Variants in TSPAN8 observed in about 807,000 individuals in gnomAD.
The protein encoded by TSPAN8 is tetraspanin-8.
In TSPAN8, 21 loss-of-function variants were observed where a neutral mutation model predicts 32.8. That is an observed-to-expected ratio of 0.64 (90% CI 0.45 to 0.92). The LOEUF is 0.92. Ranked by LOEUF, TSPAN8 falls within the 40% of genes least tolerant of loss-of-function variation. The pLI is 0.00. For synonymous variants in TSPAN8, 95 were observed against 94.6 expected (o/e 1.00, Z -0.03); for missense variants, 269 against 281.9 (o/e 0.95, Z 0.33).
intron 3 of TSPAN8, among the ~76,000 whole-genome samples, chr12:71,142,844 A>C (rs960359870): frequency 4.4e-4 from 34 of 77,746 alleles, no homozygotes; most frequent in African/African-American, 1.5e-3. Flanking sequence ...GAGAGGAAAA[A>C]AACAAAAAAA....
Position 71,142,776 on chromosome 12 carries a change from T to C in TSPAN8, c.123+1375A>G, listed in dbSNP as rs1341503510. ...AAGCCGCTAATTGCCACTGTGATCC[T>C]CTGGGCTCCCTAAGGGCAGAAAGCA... On this transcript the variant is annotated intron_variant, in intron 3 of 8. Coordinates refer to ENST00000247829, the MANE Select transcript of TSPAN8 (RefSeq NM_004616.3). 2.0e-4 allele frequency among the ~76,000 whole-genome samples: 30 copies of C among 150,586 alleles called. No individual in the cohort carries two copies. In the Admixed American group the frequency reaches 2.0e-3, roughly 10 times the overall value.
At chr12:71,135,968 C>T (rs564879709) in intron 6 of TSPAN8, among the ~76,000 whole-genome samples, 1 of 152,160 alleles carries the variant, frequency 6.6e-6, no homozygotes, top group South Asian at 2.1e-4. Context: ...AGGAAAAGCA[C>T]ATCAGAAAGG....
chr12:71,143,173 C>A (rs1482361425), intron 3 of TSPAN8, among the ~76,000 whole-genome samples: 1 of 152,044 alleles, frequency 6.6e-6, no homozygotes, highest in Non-Finnish European at 1.5e-5. Flanking sequence ...GCCCAGAAAA[C>A]AAAGAACAAA....
chr12:71,132,882 A>G, intron 6 of TSPAN8, 58 bp from the exon 7 acceptor site: 1 of 1,577,984 alleles, frequency 6.3e-7, no homozygotes, highest in South Asian at 1.1e-5. Flanking sequence ...AACATTGGCA[A>G]TACATTAAAT....
At position 71,139,628 on chromosome 12, in the gene TSPAN8, C is replaced by T. The variant is rs115307079; in HGVS notation, c.261+83G>A. 1,978 of 1,496,594 alleles carry T rather than the reference C, an allele frequency of 1.3e-3. 21 individuals are homozygous for T. The African/African-American group carries it at 0.022, about 16-fold the overall frequency. The allele number at this position is 1,496,594 out of a possible 1,614,324, so 92.7% of individuals were successfully genotyped here. On this transcript the variant is annotated intron_variant, in intron 4 of 8. Transcript: ENST00000247829. ...AGTTAGAGTTTCATCAATCATGGCA[C>T]GTTCTTTTAACAGACAATAGGGATG...
intron 4 of TSPAN8, chr12:71,139,241 T>C (rs908969111): frequency 5.7e-5 from 26 of 457,862 alleles, no homozygotes; most frequent in African/African-American, 4.6e-4. Flanking sequence ...ACACCAGCAC[T>C]GTACTGCCAC....
chr12:71,147,971 G>C (rs1161673567), intron 2 of TSPAN8, among the ~76,000 whole-genome samples: 1 of 152,114 alleles, frequency 6.6e-6, no homozygotes, highest in Non-Finnish European at 1.5e-5. Context: ...ATCTCTAACA[G>C]TGTTCCCTCC....
chr12:71,143,548 A>G (rs1592406840), intron 3 of TSPAN8, among the ~76,000 whole-genome samples: 1 of 152,156 alleles, frequency 6.6e-6, no homozygotes, highest in East Asian at 1.9e-4. Flanking sequence ...ACATATAGCA[A>G]TAATCTGGAC....
At chr12:71,142,634 G>T (rs1871936661) in intron 3 of TSPAN8, among the ~76,000 whole-genome samples, 1 of 152,200 alleles carries the variant, frequency 6.6e-6, no homozygotes, top group East Asian at 1.9e-4. Flanking sequence ...GGAAGTCACA[G>T]TTATGGTTAT....
At chr12:71,127,522 C>T (rs1228482614) in intron 8 of TSPAN8, among the ~76,000 whole-genome samples, 3 of 152,080 alleles carry the variant, frequency 2.0e-5, no homozygotes, top group Non-Finnish European at 2.9e-5. Context: ...AATTCAAAAA[C>T]GGTTCTGTTT....
chr12:71,128,777 C>T (rs1479961820), intron 8 of TSPAN8, among the ~76,000 whole-genome samples: 1 of 151,872 alleles, frequency 6.6e-6, no homozygotes, highest in Non-Finnish European at 1.5e-5. Flanking sequence ...GAAAATTTCT[C>T]CAAGTGAGTC....
At chr12:71,142,847 C>CAAAAA (rs370834723) in intron 3 of TSPAN8, among the ~76,000 whole-genome samples, 1 of 131,628 alleles carries the variant, frequency 7.6e-6, no homozygotes, top group Non-Finnish European at 1.6e-5. Context: ...AGGAAAAAAA[C>CAAAAA]AAAAAAAAAA....
At chr12:71,142,852 A>AC (rs1555195666) in intron 3 of TSPAN8, among the ~76,000 whole-genome samples, 8 of 150,466 alleles carry the variant, frequency 5.3e-5, no homozygotes, top group Admixed American at 1.3e-4. Context: ...AAAAACAAAA[A>AC]AAAAAAAAAC....
intron 3 of TSPAN8, among the ~76,000 whole-genome samples, chr12:71,142,185 G>T (rs1871922686): frequency 6.6e-6 from 1 of 152,134 alleles, no homozygotes; most frequent in South Asian, 2.1e-4. Context: ...AGTCAAGCTG[G>T]TTAATGTTGT....
chr12:71,125,615 T>G (rs1871326873), intron 8 of TSPAN8, among the ~76,000 whole-genome samples: 1 of 152,124 alleles, frequency 6.6e-6, no homozygotes, highest in African/African-American at 2.4e-5. Context: ...AGCTGGCCAA[T>G]CAGCCTCTAT....
chr12:71,147,136 G>C (rs890137562), intron 2 of TSPAN8, among the ~76,000 whole-genome samples: 9 of 151,582 alleles, frequency 5.9e-5, no homozygotes, highest in Non-Finnish European at 1.5e-5. Flanking sequence ...CCAGTCTACA[G>C]TATCTTGTTA....
intron 2 of TSPAN8, among the ~76,000 whole-genome samples, chr12:71,146,723 A>G (rs1592408322): frequency 6.6e-6 from 1 of 152,190 alleles, no homozygotes; most frequent in Non-Finnish European, 1.5e-5. Flanking sequence ...CTTTCATGGA[A>G]CAGCCATCAT....
chr12:71,147,771 A>C (rs1872123166), intron 2 of TSPAN8, among the ~76,000 whole-genome samples: 1 of 152,236 alleles, frequency 6.6e-6, no homozygotes, highest in Non-Finnish European at 1.5e-5. Flanking sequence ...ATTCAGAGAT[A>C]CTAGAAAAGA....
At chr12:71,157,867 C>G in intron 1 of TSPAN8, 63 bp downstream of exon 1, 1 of 570,852 alleles carries the variant, frequency 1.8e-6, no homozygotes, top group Non-Finnish European at 3.1e-6. Flanking sequence ...TTAACCCACA[C>G]ATTTAAATAT....
Sources: allele counts gnomAD v4.1 joint callset (sites outside exome capture counted in the v4.1 genomes callset), GRCh38; gene constraint gnomAD v4.1.1; transcripts MANE v1.5; gene names NCBI Gene and HGNC (gene_info 2026-07-23, HGNC 2026-07-21).